Variants in PLXDC2 observed in about 807,000 individuals in gnomAD.
The protein encoded by PLXDC2 is plexin domain containing 2, also known as plexin domain-containing protein 2.
A neutral mutation model predicts 68.9 loss-of-function variants in PLXDC2; 40 were observed. That is an observed-to-expected ratio of 0.58 (90% CI 0.45 to 0.76). The LOEUF (loss-of-function observed/expected upper bound fraction) is 0.76, where lower values mean the gene tolerates loss of function less well. PLXDC2 is among the 30% of genes least tolerant of loss of function. PLXDC2 has a pLI of 0.00. For synonymous variants in PLXDC2, 243 were observed against 234.2 expected (o/e 1.04, Z -0.34); for missense variants, 644 against 661.9 (o/e 0.97, Z 0.30).
intron 4 of PLXDC2, among the ~76,000 whole-genome samples, chr10:20,086,089 C>T (rs945010509): frequency 6.6e-6 from 1 of 152,088 alleles, no homozygotes; most frequent in Non-Finnish European, 1.5e-5. Flanking sequence ...TTATTTCTGT[C>T]ATCCTGAGTT....
intron 13 of PLXDC2, among the ~76,000 whole-genome samples, chr10:20,250,293 T>A (rs1405041575): frequency 1.8e-5 from 2 of 110,824 alleles, no homozygotes; most frequent in African/African-American, 3.2e-5. Context: ...AAAAAAAAAA[T>A]TCATGACTCT....
chr10:19,923,550 C>T (rs1440423665), intron 1 of PLXDC2, among the ~76,000 whole-genome samples: 1 of 152,042 alleles, frequency 6.6e-6, no homozygotes, highest in Non-Finnish European at 1.5e-5. Context: ...GAAAAAATTG[C>T]TTTATCCAAT....
At chr10:19,934,104 A>T (rs955466624) in intron 1 of PLXDC2, among the ~76,000 whole-genome samples, 1 of 152,164 alleles carries the variant, frequency 6.6e-6, no homozygotes, top group Admixed American at 6.5e-5. Flanking sequence ...AAAATGCGTG[A>T]TCATTGGGAT....
At chr10:19,973,388 A>G (rs1834395341) in intron 1 of PLXDC2, among the ~76,000 whole-genome samples, 1 of 113,488 alleles carries the variant, frequency 8.8e-6, no homozygotes, top group South Asian at 3.2e-4. Flanking sequence ...GTGAATATAT[A>G]TACTCATTGC....
rs868830444 is a variant in PLXDC2 at position 19,958,384 on chromosome 10, T to G, written c.113-43391T>G. Among the ~76,000 whole-genome samples, 22 of 152,280 alleles carry G rather than the reference T, an allele frequency of 1.4e-4. 1 individual carries two copies. The highest frequency in any genetic ancestry group is 3.4e-4 in the African/African-American group (14 of 41,574). ...AATTTCTTGAGCACTCACTATATGCTTGAGTAAATATGTAATAAAACCTAC... is the reference window on the plus strand; with the variant it reads ...AATTTCTTGAGCACTCACTATATGCGTGAGTAAATATGTAATAAAACCTAC... On this transcript the variant is annotated intron_variant, in intron 1 of 13. Coordinates refer to ENST00000377252, the MANE Select transcript of PLXDC2 (RefSeq NM_032812.9).
rs537217284 is a variant in PLXDC2 at position 19,954,973 on chromosome 10, C to G, written c.113-46802C>G. 1.1e-3 allele frequency among the ~76,000 whole-genome samples: 165 copies of G among 152,008 alleles called. 1 individual carries two copies. The highest frequency in any genetic ancestry group is 3.9e-3 in the African/African-American group (162 of 41,478). ...GGTGATTATATTACCTTCTTTCTCACAAATTCCTAACTCTCTGTTATCAAC... is the reference window on the plus strand; with the variant it reads ...GGTGATTATATTACCTTCTTTCTCAGAAATTCCTAACTCTCTGTTATCAAC... On this transcript the variant is annotated intron_variant, in intron 1 of 13. Coordinates refer to ENST00000377252, the MANE Select transcript of PLXDC2 (RefSeq NM_032812.9).
At chr10:19,834,728 C>G (rs548859740) in intron 1 of PLXDC2, among the ~76,000 whole-genome samples, 1 of 152,298 alleles carries the variant, frequency 6.6e-6, no homozygotes, top group African/African-American at 2.4e-5. Context: ...AGGTTTAGCT[C>G]TGAGAAGAAT....
chr10:20,273,550 A>T (rs1435500136), intron 13 of PLXDC2, among the ~76,000 whole-genome samples: 1 of 48,410 alleles, frequency 2.1e-5, no homozygotes. Flanking sequence ...ATACATAGAC[A>T]CACATATATA....
chr10:20,286,456 C>A lies in PLXDC2; in HGVS notation c.*6637C>A, dbSNP rs140533093. On this transcript the variant is annotated 3_prime_UTR_variant, in exon 14 of 14. Coordinates refer to ENST00000377252, the MANE Select transcript of PLXDC2 (RefSeq NM_032812.9). ...ATCTCAGTGGCTTCTCTTCATTCCA[C>A]GAGAATTTTGATTTTTAACAGCAGT... is the stretch of plus-strand genomic sequence containing the variant. 1.3e-5 allele frequency: 2 copies of A among 152,004 alleles called. No individual in the cohort carries two copies. The highest frequency in any genetic ancestry group is 2.9e-5 in the Non-Finnish European group (2 of 68,010). The allele number at this position is 152,004 out of a possible 1,614,324, so 9.4% of individuals were successfully genotyped here.
intron 2 of PLXDC2, among the ~76,000 whole-genome samples, chr10:20,039,133 G>A (rs7916367): frequency 0.88 from 134,234 of 152,180 alleles, 59,455 homozygotes; most frequent in African/African-American, 0.93. Context: ...CAACCACACT[G>A]TATCTTCCTC....
intron 1 of PLXDC2, among the ~76,000 whole-genome samples, chr10:19,956,017 T>G (rs1834063606): frequency 6.6e-6 from 1 of 152,130 alleles, no homozygotes; most frequent in Admixed American, 6.5e-5. Flanking sequence ...AGGCTGAGAT[T>G]GCAGTGAGCC....
intron 3 of PLXDC2, among the ~76,000 whole-genome samples, chr10:20,066,264 T>G (rs184428659): frequency 6.6e-6 from 1 of 152,358 alleles, no homozygotes; most frequent in East Asian, 1.9e-4. Flanking sequence ...GAAAAGGTCT[T>G]TAACTTATAT....
intron 6 of PLXDC2, among the ~76,000 whole-genome samples, chr10:20,148,982 A>C (rs972552598): frequency 6.6e-6 from 1 of 152,096 alleles, no homozygotes; most frequent in Non-Finnish European, 1.5e-5. Context: ...TTTTTAATGA[A>C]ATTTTTCATT....
chr10:20,075,034 A>G (rs529047352), intron 4 of PLXDC2, among the ~76,000 whole-genome samples: 10 of 152,302 alleles, frequency 6.6e-5, no homozygotes, highest in African/African-American at 9.6e-5. Flanking sequence ...AGAAAGATGA[A>G]TTGCGTGATG....
intron 1 of PLXDC2, among the ~76,000 whole-genome samples, chr10:19,828,978 C>A (rs1836628412): frequency 6.6e-6 from 1 of 152,010 alleles, no homozygotes. Context: ...TGTGTCCCTC[C>A]TCTGTTGGAA....
intron 1 of PLXDC2, among the ~76,000 whole-genome samples, chr10:19,962,579 G>C (rs1452830386): frequency 6.7e-6 from 1 of 148,410 alleles, no homozygotes; most frequent in Non-Finnish European, 1.5e-5. Flanking sequence ...TTTTAGTAGA[G>C]ACGTGTTTCA....
chr10:20,145,634 C>G, intron 5 of PLXDC2, among the ~76,000 whole-genome samples: 1 of 152,204 alleles, frequency 6.6e-6, no homozygotes, highest in East Asian at 1.9e-4. Flanking sequence ...ACTACAACCT[C>G]CGCTTCCCGG....
At chr10:20,015,999 G>C (rs1237095022) in intron 2 of PLXDC2, among the ~76,000 whole-genome samples, 10 of 152,264 alleles carry the variant, frequency 6.6e-5, no homozygotes, top group Non-Finnish European at 1.3e-4. Flanking sequence ...AAGCCATCAC[G>C]AGTATAAAGT....
chr10:20,244,559 T>C lies in PLXDC2; in HGVS notation c.1313-786T>C, dbSNP rs561122819. On this transcript the variant is annotated intron_variant, in intron 12 of 13. Transcript: ENST00000377252. ...AAGTATTTTTGTTTAAAACAGATTT[T>C]TCACAAATTATGCTTGGAGTTCATG... is the stretch of plus-strand genomic sequence containing the variant. Among the ~76,000 whole-genome samples the C allele has an allele frequency of 9.8e-5, 15 of 152,320 alleles. No homozygotes were observed. The South Asian group carries it at 2.9e-3, about 29-fold the overall frequency.
Sources: allele counts gnomAD v4.1 joint callset (sites outside exome capture counted in the v4.1 genomes callset), GRCh38; gene constraint gnomAD v4.1.1; transcripts MANE v1.5; gene names NCBI Gene and HGNC (gene_info 2026-07-23, HGNC 2026-07-21).